Variants in PRKCQ observed in about 807,000 individuals in gnomAD.
PRKCQ encodes protein kinase C theta type.
In PRKCQ, 41 loss-of-function variants were observed where a neutral mutation model predicts 91.2. The observed-to-expected ratio is 0.45, with a 90% CI of 0.35 to 0.58. The LOEUF is 0.58. PRKCQ is among the 20% of genes least tolerant of loss of function. The probability of loss-of-function intolerance (pLI) is 0.00; values close to 1 mark genes in which losing one functional copy is unlikely to be tolerated. For missense variants in PRKCQ, 673 were observed against 896.5 expected (o/e 0.75, Z 3.18); for synonymous variants, 307 against 316.9 (o/e 0.97, Z 0.33).
At chr10:6,510,506 T>C (rs1838416308) in intron 3 of PRKCQ, among the ~76,000 whole-genome samples, 1 of 152,252 alleles carries the variant, frequency 6.6e-6, no homozygotes, top group Admixed American at 6.5e-5. Flanking sequence ...TGAAGTTTAA[T>C]AAAATTAAGA....
intron 11 of PRKCQ, among the ~76,000 whole-genome samples, chr10:6,479,596 A>G (rs907653989): frequency 6.6e-6 from 1 of 151,942 alleles, no homozygotes; most frequent in African/African-American, 2.4e-5. Context: ...TTCCAGGCCA[A>G]AAGAAGAATG....
intron 1 of PRKCQ, among the ~76,000 whole-genome samples, chr10:6,572,088 C>T (rs906402049): frequency 7.9e-5 from 12 of 152,154 alleles, no homozygotes; most frequent in Admixed American, 7.8e-4. Flanking sequence ...GACTGATTCC[C>T]GCGATCCAGG....
intron 1 of PRKCQ, among the ~76,000 whole-genome samples, chr10:6,544,835 T>A (rs1436824907): frequency 3.9e-5 from 6 of 152,284 alleles, no homozygotes; most frequent in African/African-American, 1.4e-4. Flanking sequence ...TTGGCCAGGC[T>A]GCTCTCGAAC....
intron 13 of PRKCQ, 31 bp downstream of exon 13, chr10:6,464,282 G>A: frequency 6.3e-7 from 1 of 1,587,110 alleles, no homozygotes; most frequent in Non-Finnish European, 8.6e-7. Context: ...AAGAACAGTG[G>A]AAAACTCCCA....
rs577468770 is a variant in PRKCQ, at chr10:6,521,145, T to G, written c.-9-6001A>C. On this transcript the variant is annotated intron_variant, in intron 1 of 17. Transcript: ENST00000263125. ...TGGATTTATGGGTTCACGTCTGTCT[T>G]CCTCAACAATTCCGAGAGAAGGGGC... Among the ~76,000 whole-genome samples, 45 of 152,326 alleles carry G rather than the reference T, an allele frequency of 3.0e-4. 1 individual carries two copies. In the South Asian group the frequency reaches 9.3e-3, roughly 32 times the overall value.
downstream of PRKCQ, among the ~76,000 whole-genome samples, chr10:6,423,554 C>T (rs2132208354): frequency 6.6e-6 from 1 of 152,274 alleles, no homozygotes; most frequent in South Asian, 2.1e-4. Context: ...GACTGGAGGG[C>T]TGCCTGCAAG....
At position 6,430,889 on chromosome 10, in the gene PRKCQ, C is replaced by T. The variant is rs951226172; in HGVS notation, c.1886G>A (p.Arg629His). 7 of 1,614,154 alleles carry T rather than the reference C, an allele frequency of 4.3e-6. No homozygotes were observed. Among genetic ancestry groups the T allele is most frequent in the Non-Finnish European group, 5.9e-6 (7 of 1,180,026 alleles). The change falls in exon 17 of 18, where the codon CGC becomes CAC. Residue 629 changes from arginine to histidine, a missense_variant. Transcript: ENST00000263125. The surrounding 1 kb of genome is among the most constrained non-coding windows in gnomAD (Gnocchi z 4.7). ...EKRLGVRGDIRQHPLFREINW... is the reference protein window; with the variant it reads ...EKRLGVRGDIHQHPLFREINW... ...GATCTCCCGAAACAAAGGGTGCTGG[C>T]GGATGTCTCCCCTCACGCCCAGCCT...
At chr10:6,550,047 C>T (rs769224144) in intron 1 of PRKCQ, among the ~76,000 whole-genome samples, 1 of 152,156 alleles carries the variant, frequency 6.6e-6, no homozygotes, top group Non-Finnish European at 1.5e-5. Flanking sequence ...ATTCTGCACC[C>T]ATTAAACAAT....
At chr10:6,487,081 C>G (rs1836969578) in intron 8 of PRKCQ, among the ~76,000 whole-genome samples, 1 of 152,140 alleles carries the variant, frequency 6.6e-6, no homozygotes, top group Non-Finnish European at 1.5e-5. Flanking sequence ...CCAACAGCAA[C>G]CGGGTGTTTG....
At chr10:6,553,485 G>C (rs946687349) in intron 1 of PRKCQ, among the ~76,000 whole-genome samples, 1 of 31,194 alleles carries the variant, frequency 3.2e-5, no homozygotes, top group Non-Finnish European at 8.7e-5. Context: ...GCAAGACCCT[G>C]TCTCAAAAAA....
intron 12 of PRKCQ, among the ~76,000 whole-genome samples, chr10:6,475,275 G>C (rs1251191494): frequency 6.6e-6 from 1 of 152,162 alleles, no homozygotes; most frequent in Non-Finnish European, 1.5e-5. Flanking sequence ...CCCTCTGCCT[G>C]TAACTCTTAC....
intron 17 of PRKCQ, among the ~76,000 whole-genome samples, chr10:6,429,450 G>GAAC (rs1199390995): frequency 1.3e-5 from 2 of 152,184 alleles, no homozygotes; most frequent in Non-Finnish European, 2.9e-5. Flanking sequence ...CAGATGTTGA[G>GAAC]AACAACTATT....
Position 6,511,162 on chromosome 10 carries a change from T to C in PRKCQ, c.151A>G (p.Thr51Ala). Residue 51 changes from threonine (T) to alanine (A), a missense_variant, in exon 3 of 18, where the codon ACC (threonine) becomes GCC (alanine). Physicochemically the swap from Thr to Ala is moderately conservative, Grantham distance 58. Coordinates refer to ENST00000263125, the MANE Select transcript of PRKCQ (RefSeq NM_006257.5). ...GTGCTGTCCCAGGGTGGGTACATGG[T>C]AGGCTTTTTCTGGATATACATCTGC... is the stretch of plus-strand genomic sequence containing the variant. ...NGQMYIQKKPTMYPPWDSTFD... is the reference protein window; with the variant it reads ...NGQMYIQKKPAMYPPWDSTFD... The C allele has an allele frequency of 6.2e-7, 1 of 1,614,088 alleles. No homozygotes were observed. Among genetic ancestry groups the C allele is most frequent in the Non-Finnish European group, 8.5e-7 (1 of 1,179,998 alleles).
intron 8 of PRKCQ, 29 bp downstream of exon 8, chr10:6,491,654 G>A (rs751753639): frequency 4.5e-5 from 72 of 1,612,566 alleles, no homozygotes; most frequent in Non-Finnish European, 4.2e-5. Flanking sequence ...GGTCCACGTC[G>A]GGCCATGCTC....
At chr10:6,527,956 A>T (rs1425277310) in intron 1 of PRKCQ, among the ~76,000 whole-genome samples, 1 of 152,196 alleles carries the variant, frequency 6.6e-6, no homozygotes, top group Non-Finnish European at 1.5e-5. Context: ...AAGAAGGGCC[A>T]GCTGAGATCA....
At chr10:6,527,097 G>A (rs576183659) in intron 1 of PRKCQ, among the ~76,000 whole-genome samples, 8 of 152,312 alleles carry the variant, frequency 5.3e-5, no homozygotes, top group South Asian at 4.1e-4. Context: ...GGAGCACTGC[G>A]GGAAGAACTA....
At chr10:6,415,405 CATATAT>C in the PRKCQ span, among the ~76,000 whole-genome samples, 1,114 of 104,318 alleles carry the variant, frequency 0.011, 8 homozygotes, top group African/African-American at 0.019. Flanking sequence ...CAAGAAAATA[CATATAT>C]ATATATATAT....
chr10:6,413,727 G>A, the PRKCQ span, among the ~76,000 whole-genome samples: 1,021 of 79,034 alleles, frequency 0.013, 223 homozygotes, highest in African/African-American at 0.057. Context: ...CCACTTGTGC[G>A]CGCGCACACA....
chr10:6,513,249 T>C (rs916657989), intron 2 of PRKCQ, among the ~76,000 whole-genome samples: 3 of 152,294 alleles, frequency 2.0e-5, no homozygotes, highest in Middle Eastern at 3.4e-3. Flanking sequence ...GTTTAAATCC[T>C]GTAGAAGTAA....
Sources: allele counts gnomAD v4.1 joint callset (sites outside exome capture counted in the v4.1 genomes callset), GRCh38; gene constraint gnomAD v4.1.1; non-coding constraint Gnocchi (gnomAD v3.1); transcripts MANE v1.5; gene names NCBI Gene and HGNC (gene_info 2026-07-23, HGNC 2026-07-21).